FA2H: variants seen among roughly 807,000 people sequenced by gnomAD.
The protein encoded by FA2H is fatty acid alpha-hydroxylase.
In FA2H, 22 loss-of-function variants were observed where a neutral mutation model predicts 44.9. The ratio of observed to expected loss-of-function variants is 0.49; its 90% CI spans 0.35 to 0.70. The LOEUF (loss-of-function observed/expected upper bound fraction) is 0.70, where lower values mean the gene tolerates loss of function less well. Ranked by LOEUF, FA2H falls within the 30% of genes least tolerant of loss-of-function variation. The probability of loss-of-function intolerance (pLI) is 0.01; values close to 1 mark genes in which losing one functional copy is unlikely to be tolerated. For synonymous variants in FA2H, 243 were observed against 213.2 expected (o/e 1.14, Z -1.22); for missense variants, 501 against 504.9 (o/e 0.99, Z 0.07).
rs1961706163 is a variant in FA2H, at chr16:74,716,567, G to A, written c.819C>T (p.Pro273=). The change falls in exon 6 of 7, where the codon CCC becomes CCT. Residue 273 remains proline (P), a synonymous_variant. Transcript: ENST00000219368. ...APFDGSRLVF[P]PVPASLVIGV... ...CGATCACCAGGGAGGCTGGCACAGGGGGGAAGACCAGGCGGGAGCCGTCGA... is the reference window on the plus strand; with the variant it reads ...CGATCACCAGGGAGGCTGGCACAGGAGGGAAGACCAGGCGGGAGCCGTCGA... 1.3e-6 allele frequency: 2 copies of A among 1,596,154 alleles called. No individual in the cohort carries two copies. The highest frequency in any genetic ancestry group is 1.7e-6 in the Non-Finnish European group (2 of 1,171,686).
chr16:74,768,538 A>G (rs2144666336), intron 1 of FA2H, among the ~76,000 whole-genome samples: 1 of 152,334 alleles, frequency 6.6e-6, no homozygotes, highest in Non-Finnish European at 1.5e-5. Flanking sequence ...AAGTGATCTC[A>G]ACCCCTCCAG....
chr16:74,750,803 G>T (rs887115884), intron 1 of FA2H, among the ~76,000 whole-genome samples: 1 of 141,756 alleles, frequency 7.1e-6, no homozygotes, highest in Admixed American at 7.0e-5. Flanking sequence ...AAGAGACAGG[G>T]TCTCGCTCTG....
chr16:74,756,578 G>A (rs1455256945), intron 1 of FA2H, among the ~76,000 whole-genome samples: 3 of 152,090 alleles, frequency 2.0e-5, no homozygotes, highest in Non-Finnish European at 4.4e-5. Flanking sequence ...CTCTAGCGGA[G>A]CAGAGTCTTG....
chr16:74,763,446 C>G (rs4888285), intron 1 of FA2H, among the ~76,000 whole-genome samples: 10 of 151,846 alleles, frequency 6.6e-5, no homozygotes, highest in Non-Finnish European at 1.3e-4. Flanking sequence ...TTAGTAGAGA[C>G]GAGGTCTCAC....
intron 1 of FA2H, among the ~76,000 whole-genome samples, chr16:74,764,630 AACACCTGGGTG>A (rs1962773124): frequency 6.6e-6 from 1 of 152,170 alleles, no homozygotes; most frequent in Non-Finnish European, 1.5e-5. Flanking sequence ...TACTAGACTT[AACACCTGGGTG>A]ACAAAATAAT....
intron 2 of FA2H, among the ~76,000 whole-genome samples, chr16:74,728,750 T>C (rs929716804): frequency 1.3e-4 from 20 of 152,084 alleles, no homozygotes; most frequent in African/African-American, 4.3e-4. Flanking sequence ...TATTTCTATT[T>C]ATTTGTGTTT....
At position 74,726,423 on chromosome 16, in the gene FA2H, T is replaced by C. The variant is rs71392615; in HGVS notation, c.507-92A>G. ...TTTTTTTTGAGACGGAGTTTCACTC[T>C]TGTTGCCCAGGCTGGAGTGCAATGG... On this transcript the variant is annotated intron_variant, in intron 3 of 6. Transcript: ENST00000219368. The C allele has an allele frequency of 0.093, 77,893 of 834,222 alleles. 4,577 individuals are homozygous for C. Among genetic ancestry groups the C allele is most frequent in the Non-Finnish European group, 0.12 (61,260 of 501,816 alleles). The allele number at this position is 834,222 out of a possible 1,614,324, so 51.7% of individuals were successfully genotyped here.
chr16:74,753,612 G>A (rs576100693), intron 1 of FA2H, among the ~76,000 whole-genome samples: 1 of 152,250 alleles, frequency 6.6e-6, no homozygotes, highest in African/African-American at 2.4e-5. Flanking sequence ...GTTGGAGGTT[G>A]CAGTGAGCTA....
Position 74,716,594 on chromosome 16 carries a change from G to C in FA2H, c.792C>G (p.Pro264=). The C allele has an allele frequency of 1.3e-6, 2 of 1,559,532 alleles. No homozygotes were observed. The highest frequency in any genetic ancestry group is 2.4e-5 in the East Asian group (1 of 41,754). The change falls in exon 6 of 7, where the codon CCC becomes CCG. Residue 264 remains proline (P), a synonymous_variant. Transcript: ENST00000219368. The part of the protein sequence containing the change: ...FVMHGQHHKA[P]FDGSRLVFPP... Reference sequence around the variant, plus strand: ...GGAAGACCAGGCGGGAGCCGTCGAAGGGTGCCTGCAGATGGAGAGGCTTGG... The same window carrying C: ...GGAAGACCAGGCGGGAGCCGTCGAACGGTGCCTGCAGATGGAGAGGCTTGG...
chr16:74,755,814 A>G (rs1464057486), intron 1 of FA2H, among the ~76,000 whole-genome samples: 2 of 152,198 alleles, frequency 1.3e-5, no homozygotes, highest in African/African-American at 2.4e-5. Flanking sequence ...AGGAGTGACT[A>G]TAAAGCTGGT....
At chr16:74,729,909 A>G (rs986812390) in intron 2 of FA2H, among the ~76,000 whole-genome samples, 1 of 151,848 alleles carries the variant, frequency 6.6e-6, no homozygotes, top group African/African-American at 2.4e-5. Flanking sequence ...TGCAGGTGGG[A>G]AGTAGGGGAA....
intron 1 of FA2H, among the ~76,000 whole-genome samples, chr16:74,765,867 T>C (rs890305455): frequency 6.6e-6 from 1 of 152,186 alleles, no homozygotes. Flanking sequence ...AAATATTTAT[T>C]AGTACCTATT....
intron 2 of FA2H, among the ~76,000 whole-genome samples, chr16:74,728,593 A>T (rs571018482): frequency 6.6e-6 from 1 of 152,124 alleles, no homozygotes; most frequent in Non-Finnish European, 1.5e-5. Context: ...GGCTTAGATG[A>T]TAGAACACCC....
intron 1 of FA2H, among the ~76,000 whole-genome samples, chr16:74,749,776 G>T (rs1373883475): frequency 1.3e-5 from 2 of 152,204 alleles, no homozygotes; most frequent in African/African-American, 2.4e-5. Context: ...GCCACTGACT[G>T]TTGGCAGCCA....
intron 1 of FA2H, among the ~76,000 whole-genome samples, chr16:74,769,012 G>A (rs1205520903): frequency 6.6e-6 from 1 of 152,140 alleles, no homozygotes; most frequent in Non-Finnish European, 1.5e-5. Flanking sequence ...GGTGGGGCAT[G>A]GGGGAGTATG....
intron 1 of FA2H, among the ~76,000 whole-genome samples, chr16:74,768,394 G>T: frequency 6.6e-6 from 1 of 152,150 alleles, no homozygotes; most frequent in Middle Eastern, 3.2e-3. Flanking sequence ...CCACCAGCTG[G>T]CCCTAGCTTC....
intron 1 of FA2H, among the ~76,000 whole-genome samples, chr16:74,744,493 C>A (rs1962378920): frequency 6.7e-6 from 1 of 149,350 alleles, no homozygotes; most frequent in Admixed American, 6.7e-5. Context: ...AGTCTGTTAC[C>A]CAGGCTGGAG....
At chr16:74,723,207 T>G (rs1049978274) in intron 4 of FA2H, among the ~76,000 whole-genome samples, 4 of 152,360 alleles carry the variant, frequency 2.6e-5, no homozygotes, top group African/African-American at 9.6e-5. Flanking sequence ...GTCCACAGTT[T>G]CTCAAATTCT....
chr16:74,720,086 G>A lies in FA2H; in HGVS notation c.614-926C>T, dbSNP rs543167376. Reference sequence around the variant, plus strand: ...CCTCCGGAGACAGCCTGCAGTCCTAGCGGCTTTCAGCTCTTTCCTCCACCT... The same window carrying A: ...CCTCCGGAGACAGCCTGCAGTCCTAACGGCTTTCAGCTCTTTCCTCCACCT... On this transcript the variant is annotated intron_variant, in intron 4 of 6. Transcript: ENST00000219368. 1.1e-4 allele frequency among the ~76,000 whole-genome samples: 17 copies of A among 149,248 alleles called. No homozygotes were observed. In the South Asian group the frequency reaches 3.6e-3, roughly 32 times the overall value.
Sources: gnomAD v4.1 joint callset for allele counts (sites outside exome capture counted in the v4.1 genomes callset) on GRCh38, gnomAD v4.1.1 for gene constraint, MANE v1.5 for transcripts, NCBI Gene and HGNC (gene_info 2026-07-23, HGNC 2026-07-21) for gene names.